ZBTB20: variants seen among roughly 807,000 people sequenced by gnomAD.
ZBTB20 encodes the protein zinc finger and BTB domain containing 20, also known as zinc finger and BTB domain-containing protein 20.
ZBTB20 carries 9 observed loss-of-function variants against 56.9 expected under a neutral mutation model. The ratio of observed to expected loss-of-function variants is 0.16; its 90% CI spans 0.10 to 0.28. ZBTB20 has a LOEUF of 0.28. Ranked by LOEUF, ZBTB20 falls within the 10% of genes least tolerant of loss-of-function variation. The probability of loss-of-function intolerance (pLI) is 1.00; values close to 1 mark genes in which losing one functional copy is unlikely to be tolerated. For missense variants in ZBTB20, 655 were observed against 1,003.0 expected (o/e 0.65, Z 4.69); for synonymous variants, 417 against 420.7 (o/e 0.99, Z 0.11).
At chr3:115,025,258 G>A (rs1232929108) in intron 2 of ZBTB20, among the ~76,000 whole-genome samples, 1 of 151,310 alleles carries the variant, frequency 6.6e-6, no homozygotes, top group African/African-American at 2.4e-5. Context: ...ATCCATCCAT[G>A]TCCCTGAGAA....
intron 3 of ZBTB20, among the ~76,000 whole-genome samples, chr3:114,907,123 G>C (rs886918515): frequency 2.0e-5 from 3 of 151,698 alleles, no homozygotes; most frequent in African/African-American, 7.3e-5. Flanking sequence ...CTATAATAAA[G>C]TAACAGCATA....
At chr3:115,048,875 A>C (rs1189518746) in intron 2 of ZBTB20, among the ~76,000 whole-genome samples, 1 of 152,332 alleles carries the variant, frequency 6.6e-6, no homozygotes, top group Middle Eastern at 3.4e-3. Context: ...CTATCTAAAA[A>C]AAAGGATTTA....
At chr3:114,377,158 T>C (rs922593996) in intron 10 of ZBTB20, among the ~76,000 whole-genome samples, 3 of 152,218 alleles carry the variant, frequency 2.0e-5, no homozygotes, top group African/African-American at 7.2e-5. Flanking sequence ...GGGTGTTTTT[T>C]ACCCTTCAGA....
At chr3:114,400,954 T>C (rs1221729164) in intron 7 of ZBTB20, among the ~76,000 whole-genome samples, 3 of 152,128 alleles carry the variant, frequency 2.0e-5, no homozygotes, top group African/African-American at 7.2e-5. Context: ...AGGTGGTTAC[T>C]GTTACTACAA....
At chr3:114,362,307 T>C (rs887283962) in intron 10 of ZBTB20, among the ~76,000 whole-genome samples, 1 of 152,200 alleles carries the variant, frequency 6.6e-6, no homozygotes, top group African/African-American at 2.4e-5. Flanking sequence ...TATCTTGTCT[T>C]GTTATAACCA....
chr3:114,454,236 T>C (rs1045409296), intron 7 of ZBTB20, among the ~76,000 whole-genome samples: 12 of 143,068 alleles, frequency 8.4e-5, no homozygotes, highest in African/African-American at 3.0e-4. Flanking sequence ...TTAATAGACA[T>C]AGGAAGCAGC....
chr3:114,675,859 C>G (rs1373475608), intron 6 of ZBTB20, among the ~76,000 whole-genome samples: 1 of 151,916 alleles, frequency 6.6e-6, no homozygotes, highest in Non-Finnish European at 1.5e-5. Context: ...CCAACAACAA[C>G]AGCAGTAACA....
At chr3:114,698,895 T>C (rs1260902444) in intron 5 of ZBTB20, among the ~76,000 whole-genome samples, 2 of 152,166 alleles carry the variant, frequency 1.3e-5, no homozygotes, top group Non-Finnish European at 2.9e-5. Flanking sequence ...ACATTTTCTA[T>C]ACTCAGCAAA....
chr3:114,314,779 T>A lies in ZBTB20; in HGVS notation c.*24226A>T, dbSNP rs763461628. 1 of 151,970 alleles carries A rather than the reference T, an allele frequency of 6.6e-6. No individual in the cohort carries two copies. Among genetic ancestry groups the A allele is most frequent in the South Asian group, 2.1e-4 (1 of 4,836 alleles). 9.4% of individuals were successfully genotyped at this position (151,970 alleles called of 1,614,324 possible). ...TAAAACTTCACAGTATTCCAAAATG[T>A]CACAATAATAATAATAATATAATAG... On this transcript the variant is annotated 3_prime_UTR_variant, in exon 12 of 12. Coordinates refer to ENST00000675478, the MANE Select transcript of ZBTB20 (RefSeq NM_001348800.3).
chr3:114,760,543 A>G (rs1406680678), intron 5 of ZBTB20, among the ~76,000 whole-genome samples: 1 of 152,208 alleles, frequency 6.6e-6, no homozygotes, highest in African/African-American at 2.4e-5. Flanking sequence ...CCAGTTCTAG[A>G]AAAGATGGGA....
chr3:114,434,546 G>GTGTGTGTT (rs1553712010), intron 7 of ZBTB20, among the ~76,000 whole-genome samples: 4 of 89,120 alleles, frequency 4.5e-5, no homozygotes, highest in South Asian at 7.8e-4. Context: ...ATTGGGGTGT[G>GTGTGTGTT]TGTGTGTGTG....
intron 3 of ZBTB20, among the ~76,000 whole-genome samples, chr3:114,903,397 T>A (rs2075200837): frequency 6.6e-6 from 1 of 152,056 alleles, no homozygotes; most frequent in Admixed American, 6.6e-5. Context: ...AGGGAAAGCA[T>A]GTCTGTCCCT....
Position 114,940,457 on chromosome 3 carries a change from T to C in ZBTB20, c.-456+33909A>G, listed in dbSNP as rs1425839701. On this transcript the variant is annotated intron_variant, in intron 3 of 11. Transcript: ENST00000675478. ...TTGCCAAACCCTCTCAGGGTAGACC[T>C]CTATTTACTTAAAAGAACTAGTTTC... Among the ~76,000 whole-genome samples the C allele has an allele frequency of 2.1e-5, 3 of 145,406 alleles. 1 individual carries two copies. The highest frequency in any genetic ancestry group is 8.5e-5 in the African/African-American group (3 of 35,358).
chr3:115,022,841 T>C (rs576798656), intron 2 of ZBTB20, among the ~76,000 whole-genome samples: 1 of 151,198 alleles, frequency 6.6e-6, no homozygotes, highest in South Asian at 2.1e-4. Context: ...TTGGAATAAA[T>C]ATATTACCTT....
chr3:115,045,443 C>T (rs1166672754), intron 2 of ZBTB20, among the ~76,000 whole-genome samples: 1 of 151,274 alleles, frequency 6.6e-6, no homozygotes, highest in Non-Finnish European at 1.5e-5. Context: ...TTTAATTAAA[C>T]AAATAAAAAG....
At chr3:114,670,252 C>T (rs1351761501) in intron 6 of ZBTB20, among the ~76,000 whole-genome samples, 32 of 152,004 alleles carry the variant, frequency 2.1e-4, no homozygotes, top group Non-Finnish European at 1.0e-4. Context: ...CTGAGGGCTT[C>T]GCAAAAGTTG....
chr3:114,670,171 T>G (rs898993284), intron 6 of ZBTB20, among the ~76,000 whole-genome samples: 5 of 152,106 alleles, frequency 3.3e-5, no homozygotes, highest in Non-Finnish European at 1.5e-5. Flanking sequence ...TGTACAGATT[T>G]ACTCATTTCT....
At chr3:114,494,079 C>CTA (rs1335207931) in intron 7 of ZBTB20, among the ~76,000 whole-genome samples, 4 of 152,168 alleles carry the variant, frequency 2.6e-5, no homozygotes, top group African/African-American at 9.7e-5. Context: ...GTAGCATCTA[C>CTA]TTAATAGGGT....
intron 6 of ZBTB20, among the ~76,000 whole-genome samples, chr3:114,663,750 T>A (rs1048136222): frequency 6.6e-6 from 1 of 151,502 alleles, no homozygotes; most frequent in Non-Finnish European, 1.5e-5. Context: ...TAGTCTCTGA[T>A]AAAACAGACT....
Sources: gnomAD v4.1 joint callset for allele counts (sites outside exome capture counted in the v4.1 genomes callset) on GRCh38, gnomAD v4.1.1 for gene constraint, MANE v1.5 for transcripts, NCBI Gene and HGNC (gene_info 2026-07-23, HGNC 2026-07-21) for gene names.